LEPROTL1: variants seen among roughly 807,000 people sequenced by gnomAD.
LEPROTL1 encodes the protein leptin receptor overlapping transcript-like 1.
In LEPROTL1, 6 loss-of-function variants were observed where a neutral mutation model predicts 15.4. That is an observed-to-expected ratio of 0.39 (90% CI 0.21 to 0.77). The LOEUF (loss-of-function observed/expected upper bound fraction) is 0.77. LEPROTL1 is among the 30% of genes least tolerant of loss of function. LEPROTL1 has a pLI of 0.41. For missense variants in LEPROTL1, 128 were observed against 158.1 expected (o/e 0.81, Z 1.02); for synonymous variants, 56 against 52.6 (o/e 1.06, Z -0.28).
At chr8:30,135,445 G>A (rs1488979533) in intron 4 of LEPROTL1, among the ~76,000 whole-genome samples, 5 of 152,152 alleles carry the variant, frequency 3.3e-5, no homozygotes, top group Non-Finnish European at 5.9e-5. Context: ...TTTTAAATAC[G>A]AACCAGGCCC....
At chr8:30,137,136 A>T (rs1736541244) in intron 4 of LEPROTL1, 5 of 713,090 alleles carry the variant, frequency 7.0e-6, no homozygotes, top group Non-Finnish European at 1.2e-5. Flanking sequence ...CCTGAAGCCA[A>T]TTGTGATCAC....
chr8:30,123,175 A>G (rs1802855725), intron 3 of LEPROTL1, among the ~76,000 whole-genome samples: 1 of 152,148 alleles, frequency 6.6e-6, no homozygotes, highest in African/African-American at 2.4e-5. Context: ...CCATTCCAAG[A>G]GTGTGAATCA....
chr8:30,135,671 G>A (rs1388891789), intron 4 of LEPROTL1, among the ~76,000 whole-genome samples: 2 of 152,140 alleles, frequency 1.3e-5, no homozygotes, highest in African/African-American at 4.8e-5. Context: ...CACTTTGGGA[G>A]GCTGAGGTGA....
chr8:30,099,599 TAAAAAAAAAA>T (rs71204264), intron 1 of LEPROTL1, among the ~76,000 whole-genome samples: 4 of 112,474 alleles, frequency 3.6e-5, no homozygotes, highest in African/African-American at 3.6e-5. Flanking sequence ...AGACTCCATT[TAAAAAAAAAA>T]AAAAAAAAAA....
intron 1 of LEPROTL1, among the ~76,000 whole-genome samples, chr8:30,098,545 G>C (rs1802411923): frequency 6.6e-6 from 1 of 152,176 alleles, no homozygotes; most frequent in Non-Finnish European, 1.5e-5. Flanking sequence ...AATGAATGAG[G>C]TGTTACTAGG....
At chr8:30,096,033 C>A (rs1802358898) in intron 1 of LEPROTL1, 1 of 601,102 alleles carries the variant, frequency 1.7e-6, no homozygotes, top group Admixed American at 2.7e-5. Flanking sequence ...TCCACCCCGG[C>A]CGCCCGCGCC....
chr8:30,110,585 T>C (rs1389078315), downstream of LEPROTL1, among the ~76,000 whole-genome samples: 1 of 151,810 alleles, frequency 6.6e-6, no homozygotes, highest in Non-Finnish European at 1.5e-5. Context: ...AATACAAAAA[T>C]TAAGTCGGGT....
intron 3 of LEPROTL1, among the ~76,000 whole-genome samples, chr8:30,118,016 TTTG>T (rs1802769066): frequency 2.8e-5 from 2 of 72,656 alleles, no homozygotes; most frequent in Non-Finnish European, 5.5e-5. Flanking sequence ...TATTTTTTGA[TTTG>T]TTTTTTTTTT....
intron 3 of LEPROTL1, among the ~76,000 whole-genome samples, chr8:30,126,345 A>G (rs1469451446): frequency 6.6e-6 from 1 of 152,248 alleles, no homozygotes; most frequent in Non-Finnish European, 1.5e-5. Context: ...CCCCATATTA[A>G]GTGACACATG....
chr8:30,128,530 C>T (rs142488130), intron 3 of LEPROTL1, among the ~76,000 whole-genome samples: 23 of 152,106 alleles, frequency 1.5e-4, no homozygotes, highest in African/African-American at 5.3e-4. Flanking sequence ...GAGGTTGGAT[C>T]GCTTGAGCTC....
chr8:30,129,301 A>C (rs1448666776), intron 3 of LEPROTL1, among the ~76,000 whole-genome samples: 1 of 152,204 alleles, frequency 6.6e-6, no homozygotes, highest in Non-Finnish European at 1.5e-5. Context: ...CATGTTAATC[A>C]GTGATATTGA....
intron 1 of LEPROTL1, 121 bp downstream of exon 1, chr8:30,095,649 G>T (rs940053146): frequency 3.5e-6 from 3 of 858,944 alleles, no homozygotes; most frequent in Non-Finnish European, 3.2e-6. Flanking sequence ...TCCCTGCGCC[G>T]GGGAAGCGAC....
chr8:30,096,462 T>C (rs1363638024), intron 1 of LEPROTL1: 1 of 902,086 alleles, frequency 1.1e-6, no homozygotes, highest in Non-Finnish European at 1.3e-6. Flanking sequence ...TTTTTTCTTC[T>C]CTAAGGAAAA....
chr8:30,117,346 G>T, intron 3 of LEPROTL1: 3 of 919,876 alleles, frequency 3.3e-6, no homozygotes, highest in South Asian at 1.4e-5. Context: ...AATTGTCTGT[G>T]AGGCATTTTG....
At chr8:30,126,104 A>G (rs1423198890) in intron 3 of LEPROTL1, among the ~76,000 whole-genome samples, 4 of 152,198 alleles carry the variant, frequency 2.6e-5, no homozygotes, top group Non-Finnish European at 5.9e-5. Context: ...AATGATTGCA[A>G]TTGGTCATTG....
At chr8:30,110,414 G>A (rs1030612267), downstream of LEPROTL1, among the ~76,000 whole-genome samples, 8 of 151,962 alleles carry the variant, frequency 5.3e-5, no homozygotes, top group Non-Finnish European at 8.8e-5. Context: ...GCAGAATCAG[G>A]AATTTTTTTT....
At chr8:30,121,918 C>T (rs191087167) in intron 3 of LEPROTL1, among the ~76,000 whole-genome samples, 54 of 152,044 alleles carry the variant, frequency 3.6e-4, no homozygotes, top group Non-Finnish European at 5.6e-4. Context: ...GTAATCCTAG[C>T]ACTTTGGGAG....
intron 3 of LEPROTL1, among the ~76,000 whole-genome samples, chr8:30,119,878 G>A (rs1802801183): frequency 6.6e-6 from 1 of 152,088 alleles, no homozygotes; most frequent in Non-Finnish European, 1.5e-5. Context: ...GGACCAGCCT[G>A]GCCAACATGG....
chr8:30,095,704 C>T (rs1802349915), intron 1 of LEPROTL1, 176 bp downstream of exon 1: 1 of 688,272 alleles, frequency 1.5e-6, no homozygotes. Context: ...GCGCGGCGCC[C>T]TCGGGCAACG....
Sources: allele counts gnomAD v4.1 joint callset (sites outside exome capture counted in the v4.1 genomes callset), GRCh38; gene constraint gnomAD v4.1.1; transcripts MANE v1.5; gene names NCBI Gene and HGNC (gene_info 2026-07-23, HGNC 2026-07-21).